The following PLA2G4C variants were observed in gnomAD, a reference collection of about 807,000 sequenced individuals.
PLA2G4C encodes the protein phospholipase A2 group IVC, also known as cytosolic phospholipase A2 gamma.
In PLA2G4C, 64 loss-of-function variants were observed where a neutral mutation model predicts 73.8. The observed-to-expected ratio is 0.87, with a 90% CI of 0.71 to 1.07. The LOEUF is 1.07. Ranked by LOEUF, PLA2G4C falls within the 50% of genes least tolerant of loss-of-function variation. The probability of loss-of-function intolerance (pLI) is 0.00; values close to 1 mark genes in which losing one functional copy is unlikely to be tolerated. For synonymous variants in PLA2G4C, 254 were observed against 252.1 expected (o/e 1.01, Z -0.07); for missense variants, 622 against 665.4 (o/e 0.93, Z 0.72).
At chr19:48,064,710 T>G (rs1032551325) in intron 13 of PLA2G4C, 11 of 152,140 alleles carry the variant, frequency 7.2e-5, no homozygotes, top group African/African-American at 2.7e-4. Flanking sequence ...CCAATGCCTC[T>G]CACACATCTG....
chr19:48,101,970 G>A (rs111878616), intron 4 of PLA2G4C, among the ~76,000 whole-genome samples: 7,729 of 151,804 alleles, frequency 0.051, 309 homozygotes, highest in South Asian at 0.08. Context: ...CCACTGCCCC[G>A]GGCCTCCTTT....
intron 10 of PLA2G4C, among the ~76,000 whole-genome samples, chr19:48,080,826 T>C (rs970773661): frequency 1.4e-5 from 2 of 145,228 alleles, no homozygotes; most frequent in Non-Finnish European, 3.0e-5. Flanking sequence ...AAAAGACACA[T>C]GCACATGTAT....
chr19:48,088,700 T>C lies in PLA2G4C; in HGVS notation c.776A>G (p.Asn259Ser). 6.2e-7 allele frequency: 1 copy of C among 1,608,336 alleles called. No homozygotes were observed. Among genetic ancestry groups the C allele is most frequent in the African/African-American group, 1.3e-5 (1 of 74,974 alleles). ...AGGATGCTTACCTTTCAGGGTCAGA[T>C]TCCTTAACTGGTCTGCAAAAGAGTA... is the stretch of plus-strand genomic sequence containing the variant. Reference protein sequence around the residue: ...IREYIFDQLRNLTLKGLWRRA... With the variant: ...IREYIFDQLRSLTLKGLWRRA... Residue 259 changes from asparagine to serine, a missense_variant, in exon 9 of 17, where the codon AAT (asparagine) becomes AGT (serine). Physicochemically the swap from Asn to Ser is conservative, Grantham distance 46 (BLOSUM62 1). Transcript: ENST00000599921.
intron 2 of PLA2G4C, among the ~76,000 whole-genome samples, chr19:48,105,935 C>T (rs1462562743): frequency 0.037 from 486 of 12,996 alleles, 92 homozygotes; most frequent in East Asian, 0.2. Context: ...CCCTCCCTCC[C>T]TCCCTCCCTC....
In PLA2G4C at chr19:48,104,656, C is replaced by T. The variant is rs771285541; in HGVS notation, c.189G>A (p.Leu63=). The T allele has an allele frequency of 9.9e-6, 16 of 1,614,106 alleles. 1 individual carries two copies. The South Asian group carries it at 1.5e-4, about 16-fold the overall frequency. The change falls in exon 4 of 17, where the codon CTG becomes CTA. Residue 63 remains leucine, a synonymous_variant. Transcript: ENST00000599921. The part of the protein sequence containing the change: ...LRAHIACLGV[L]SEMKEQGLLD... Reference sequence around the variant, plus strand: ...ACAGGCCCTGTTCTTTCATCTCACTCAGGACCCCAAGGCAGGCAATGTGAG... The same window carrying T: ...ACAGGCCCTGTTCTTTCATCTCACTTAGGACCCCAAGGCAGGCAATGTGAG...
In PLA2G4C at chr19:48,110,520, G is replaced by T. The variant is rs745934494; in HGVS notation, c.-66C>A. On this transcript the variant is annotated 5_prime_UTR_variant, in exon 1 of 17. Transcript: ENST00000599921. ...GGGTCTGGGGCGTGTGCGCATGCGC[G>T]GTGGAGCTTGTGCTCCGGAATCCGG... 26 of 1,534,384 alleles carry T rather than the reference G, an allele frequency of 1.7e-5. No individual in the cohort carries two copies. The South Asian group carries it at 2.8e-4, about 16-fold the overall frequency.
chr19:48,052,853 C>T (rs1967776745), intron 16 of PLA2G4C, 144 bp downstream of exon 16: 1 of 805,638 alleles, frequency 1.2e-6, no homozygotes, highest in Non-Finnish European at 1.9e-6. Context: ...GGTCTGTCCC[C>T]TGCTGAGACG....
At chr19:48,105,917 CCCT>C (rs2032185464) in intron 2 of PLA2G4C, among the ~76,000 whole-genome samples, 1 of 12,988 alleles carries the variant, frequency 7.7e-5, no homozygotes, top group African/African-American at 9.2e-4. Flanking sequence ...CTCCCTCCCT[CCCT>C]CCCTCCCTCC....
intron 1 of PLA2G4C, chr19:48,106,770 G>A (rs1216811899): frequency 1.8e-6 from 1 of 562,614 alleles, no homozygotes; most frequent in African/African-American, 1.9e-5. Context: ...AATATTTCAA[G>A]CGCGTCTCTC....
chr19:48,090,100 C>A (rs445429), intron 8 of PLA2G4C: 24,927 of 447,268 alleles, frequency 0.056, 1,906 homozygotes, highest in African/African-American at 0.25. Context: ...GAGGCAGAAA[C>A]CGAGGCACAG....
At chr19:48,065,279 G>GT (rs1015619574) in intron 13 of PLA2G4C, among the ~76,000 whole-genome samples, 14 of 139,846 alleles carry the variant, frequency 1.0e-4, no homozygotes, top group African/African-American at 4.1e-4. Context: ...GGAGGGGTCG[G>GT]GGGGGGGCTT....
In PLA2G4C at chr19:48,067,809, T is replaced by C. The variant is rs755127711; in HGVS notation, c.1084A>G (p.Asn362Asp). The change falls in exon 13 of 17, where the codon AAC becomes GAC. Residue 362 changes from asparagine to aspartate, a missense_variant. Asn to Asp is a conservative substitution (Grantham distance 23, BLOSUM62 1). Coordinates refer to ENST00000599921, the MANE Select transcript of PLA2G4C (RefSeq NM_003706.3). The part of the protein sequence containing the change: ...ASKWEWGTTH[N>D]FLYKHGGIRD... ...TTCTCACCGTGTTTGTACAGGAAGT[T>C]GTGAGTGGTCCCCCATTCCCACTTT... 1 of 1,610,912 alleles carries C rather than the reference T, an allele frequency of 6.2e-7. No individual in the cohort carries two copies. The highest frequency in any genetic ancestry group is 1.3e-5 in the African/African-American group (1 of 74,934).
chr19:48,083,451 CT>C (rs56744614), intron 10 of PLA2G4C, among the ~76,000 whole-genome samples: 631 of 58,294 alleles, frequency 0.011, 9 homozygotes, highest in African/African-American at 0.031. Flanking sequence ...TTTCTTTTTT[CT>C]TTTTTTTTTT....
rs1400305559 is a variant in PLA2G4C, at chr19:48,110,020, T to C, written c.-33+467A>G. Among the ~76,000 whole-genome samples the C allele has an allele frequency of 2.0e-5, 3 of 149,680 alleles. No individual in the cohort carries two copies. In the East Asian group the frequency reaches 6.2e-4, roughly 31 times the overall value. ...GGAGAAACCAACCCTGCCAACACCTTGATCTTGGACTTCTAGCTTCCAGAA... is the reference window on the plus strand; with the variant it reads ...GGAGAAACCAACCCTGCCAACACCTCGATCTTGGACTTCTAGCTTCCAGAA... On this transcript the variant is annotated intron_variant, in intron 1 of 16. Transcript: ENST00000599921.
rs2030282020 is a variant in PLA2G4C at position 48,077,974 on chromosome 19, C to T, written c.845-150G>A. The stretch of plus-strand genomic sequence containing the variant: ...GGGTTCTGGAGAGCTAATTTTGTAC[C>T]CGTCTTCCAACTCTGTGCTCGCTGA... On this transcript the variant is annotated intron_variant, in intron 10 of 16. Transcript: ENST00000599921. The T allele has an allele frequency of 6.9e-6, 4 of 580,276 alleles. No homozygotes were observed. In the East Asian group the frequency reaches 1.4e-4, roughly 20 times the overall value. The allele number at this position is 580,276 out of a possible 1,614,324, so 35.9% of individuals were successfully genotyped here.
In PLA2G4C at chr19:48,074,854, G is replaced by T. The variant is rs760792068; in HGVS notation, c.919C>A (p.His307Asn). The T allele has an allele frequency of 1.2e-6, 2 of 1,609,328 alleles. No individual in the cohort carries two copies. ...PPEDEGGEPE[H>N]TWLTEMLENW... ...TCGAGCATCTCAGTCAGCCAGGTGT[G>T]TTCAGGCTCACCGCCTTCATCTACG... The change falls in exon 12 of 17, where the codon CAC becomes AAC. Residue 307 changes from histidine (H) to asparagine (N), a missense_variant. His to Asn is a moderately conservative substitution (Grantham distance 68). Transcript: ENST00000599921.
At chr19:48,086,322 T>C (rs971096275) in intron 9 of PLA2G4C, among the ~76,000 whole-genome samples, 9 of 152,130 alleles carry the variant, frequency 5.9e-5, no homozygotes, top group African/African-American at 2.2e-4. Flanking sequence ...GGGATCCGCG[T>C]GGGGCTTACT....
chr19:48,062,050 C>T lies in PLA2G4C; in HGVS notation c.1205G>A (p.Arg402Gln), dbSNP rs141101537. The T allele has an allele frequency of 2.6e-5, 42 of 1,613,864 alleles. 1 individual carries two copies. The African/African-American group carries it at 3.3e-4, about 13-fold the overall frequency. The change falls in exon 14 of 17, where the codon CGG (arginine) becomes CAG (glutamine). Residue 402 changes from arginine to glutamine, a missense_variant. Arg to Gln is a conservative substitution (Grantham distance 43). Transcript: ENST00000599921. ...TPFPLVLPPT[R>Q]EVHLILSFDF... The stretch of plus-strand genomic sequence containing the variant: ...GAAGGAGAGGATGAGGTGAACCTCC[C>T]GCGTCGGGGGCAGCACGAGTGGGAA...
At chr19:48,061,844 G>A (rs1968188628) in intron 14 of PLA2G4C, 154 bp downstream of exon 14, 2 of 742,462 alleles carry the variant, frequency 2.7e-6, no homozygotes, top group Non-Finnish European at 4.5e-6. Flanking sequence ...GGTGCTTCGG[G>A]AGCGATGGGT....
Sources: allele counts gnomAD v4.1 joint callset (sites outside exome capture counted in the v4.1 genomes callset), GRCh38; gene constraint gnomAD v4.1.1; transcripts MANE v1.5; gene names NCBI Gene and HGNC (gene_info 2026-07-23, HGNC 2026-07-21).